Variants in ATG2B observed in about 807,000 individuals in gnomAD.
ATG2B encodes autophagy-related protein 2 homolog B.
A neutral mutation model predicts 241.3 loss-of-function variants in ATG2B; 121 were observed. The ratio of observed to expected loss-of-function variants is 0.50; its 90% confidence interval spans 0.43 to 0.58. ATG2B has a LOEUF of 0.58. Among genes scored for constraint, ATG2B ranks in the 20% least tolerant of loss-of-function variants. ATG2B has a pLI of 0.00. For synonymous variants in ATG2B, 858 were observed against 876.6 expected, an observed-to-expected ratio of 0.98 and a Z score of 0.37; for missense variants, 2,306 against 2,491.6, an observed-to-expected ratio of 0.93 and a Z score of 1.59.
chr14:96,294,852 T>A, intron 36 of ATG2B, 108 bp downstream of exon 36: 1 of 934,438 alleles, frequency 1.1e-6, no homozygotes. Context: ...GATTTGGCAG[T>A]GCAAAGAAAA....
rs375897423 is a variant in ATG2B, at chr14:96,299,442, G to T, written c.5139+2565C>A. 3.3e-5 allele frequency among the ~76,000 whole-genome samples: 5 copies of T among 152,302 alleles called. No homozygotes were observed. In the East Asian group the frequency reaches 7.7e-4, roughly 23 times the overall value. ...AGTCTTCTATAAAGAGATCCTTGAA[G>T]ATAGAGATGTCTTATTCATCTTTGT... is the stretch of plus-strand genomic sequence containing the variant. On this transcript the variant is annotated intron_variant, in intron 34 of 41. Transcript: ENST00000359933.
intron 4 of ATG2B, among the ~76,000 whole-genome samples, chr14:96,344,274 A>G (rs568867590): frequency 1.9e-4 from 29 of 152,376 alleles, no homozygotes; most frequent in African/African-American, 6.7e-4. Context: ...TAAGCACAGC[A>G]AAACAAAAAT....
At chr14:96,337,407 G>C (rs1174531157) in intron 6 of ATG2B, among the ~76,000 whole-genome samples, 2 of 152,068 alleles carry the variant, frequency 1.3e-5, no homozygotes, top group Non-Finnish European at 2.9e-5. Context: ...TTCCCTAAGA[G>C]GCAAATATAG....
chr14:96,313,305 A>G lies in ATG2B; in HGVS notation c.3749+24T>C, dbSNP rs555213041. ...TTAGTAGCATTTTAAATAAAACTTT[A>G]TTTTGTTCCATTTGTGAACTTACCT... On this transcript the variant is annotated intron_variant, in intron 24 of 41. Coordinates refer to ENST00000359933, the MANE Select transcript of ATG2B (RefSeq NM_018036.7). 344 of 1,500,538 alleles carry G rather than the reference A, an allele frequency of 2.3e-4. 4 individuals carry two copies. In the South Asian group the frequency reaches 3.3e-3, roughly 15 times the overall value. 93.0% of individuals were successfully genotyped at this position (1,500,538 alleles called of 1,614,324 possible). A position where few individuals can be genotyped will look rare whatever the true frequency, so the allele number is the denominator to read the frequency against.
At chr14:96,309,900 G>A (rs1310508943) in intron 28 of ATG2B, among the ~76,000 whole-genome samples, 1 of 152,136 alleles carries the variant, frequency 6.6e-6, no homozygotes, top group Non-Finnish European at 1.5e-5. Context: ...GGAAAGAAGG[G>A]ATAACTAAAT....
intron 5 of ATG2B, among the ~76,000 whole-genome samples, chr14:96,342,175 T>G (rs1310337640): frequency 6.6e-6 from 1 of 151,574 alleles, no homozygotes; most frequent in East Asian, 1.9e-4. Flanking sequence ...ACTGCTTAAT[T>G]TCCTCTGTTT....
At chr14:96,310,991 G>T in intron 28 of ATG2B, 126 bp downstream of exon 28, 1 of 818,296 alleles carries the variant, frequency 1.2e-6, no homozygotes, top group Non-Finnish European at 1.8e-6. Flanking sequence ...CCATTATTCT[G>T]AAGGTAAAGA....
chr14:96,320,464 G>A (rs1887430307), intron 18 of ATG2B, among the ~76,000 whole-genome samples: 1 of 151,852 alleles, frequency 6.6e-6, no homozygotes, highest in African/African-American at 2.4e-5. Context: ...GGTAGACAAT[G>A]CCTTCTGGGT....
Position 96,311,610 on chromosome 14 carries a change from G to T in ATG2B, c.3922C>A (p.Arg1308Ser). ...TCCAAAAGCCCCATATCCATCACAC[G>T]AACATAATCTAAAATTTTTAAAATT... Reference protein sequence around the residue: ...VTINLSRDYVRVMDMGLLELT... With the variant: ...VTINLSRDYVSVMDMGLLELT... The change falls in exon 27 of 42, where the codon CGT becomes AGT. Residue 1308 changes from arginine (R) to serine (S), a missense_variant. By Grantham distance (110) the Arg-to-Ser change is moderately radical. Around this residue, in one of 2 missense-constraint regions of ATG2B, gnomAD observed 1,927 missense variants for 2,011.2 expected, o/e 0.96. Coordinates refer to ENST00000359933, the MANE Select transcript of ATG2B (RefSeq NM_018036.7). 6.2e-7 allele frequency: 1 copy of T among 1,605,240 alleles called. No homozygotes were observed. Among genetic ancestry groups the T allele is most frequent in the South Asian group, 1.1e-5 (1 of 89,560 alleles).
Position 96,328,355 on chromosome 14 carries a change from T to G in ATG2B, c.2155A>C (p.Ile719Leu). The change falls in exon 14 of 42, where the codon ATT becomes CTT. Residue 719 changes from isoleucine to leucine, a missense_variant. Around this residue, in one of 2 missense-constraint regions of ATG2B, gnomAD observed 1,927 missense variants for 2,011.2 expected, o/e 0.96. Coordinates refer to ENST00000359933, the MANE Select transcript of ATG2B (RefSeq NM_018036.7). ...AGCTTTTGAATACTTACCAGACTAA[T>G]ATGTTTATTATATGAAGTATACATG... ...SHMYTSYNKH[I>L]SLHKAFTEVF... 1 of 1,604,908 alleles carries G rather than the reference T, an allele frequency of 6.2e-7. No individual in the cohort carries two copies. The highest frequency in any genetic ancestry group is 8.5e-7 in the Non-Finnish European group (1 of 1,175,726).
chr14:96,313,659 T>C (rs1887225853), intron 23 of ATG2B, among the ~76,000 whole-genome samples: 1 of 149,148 alleles, frequency 6.7e-6, no homozygotes, highest in Admixed American at 6.7e-5. Flanking sequence ...TTCGTTTGAC[T>C]ACAATAGGCA....
intron 6 of ATG2B, among the ~76,000 whole-genome samples, chr14:96,337,360 C>T (rs1887893971): frequency 6.6e-6 from 1 of 152,102 alleles, no homozygotes; most frequent in South Asian, 2.1e-4. Context: ...TAAGTAAATG[C>T]AAGTTTCCTG....
chr14:96,316,418 C>T lies in ATG2B; in HGVS notation c.3361+115G>A, dbSNP rs1887314763. ...ATTACTTTGACAGCAGAATGAGAGCCCTCCACAGAAAATAATTTCTAATAC... is the reference window on the plus strand; with the variant it reads ...ATTACTTTGACAGCAGAATGAGAGCTCTCCACAGAAAATAATTTCTAATAC... On this transcript the variant is annotated intron_variant, in intron 21 of 41. Transcript: ENST00000359933. 3 of 1,016,044 alleles carry T rather than the reference C, an allele frequency of 3.0e-6. No homozygotes were observed. The South Asian group carries it at 4.6e-5, about 15-fold the overall frequency. The allele number at this position is 1,016,044 out of a possible 1,614,324, so 62.9% of individuals were successfully genotyped here.
intron 34 of ATG2B, among the ~76,000 whole-genome samples, chr14:96,297,624 C>T (rs1019096335): frequency 6.6e-6 from 1 of 152,080 alleles, no homozygotes; most frequent in South Asian, 2.1e-4. Context: ...GTCTCGAACC[C>T]CTGACCTCGT....
Position 96,358,790 on chromosome 14 carries a change from C to T in ATG2B, c.162+4025G>A, listed in dbSNP as rs557491812. ...TTTTTTTTAGTCACCACTATGCTAA[C>T]GAGAAAATAACTCTTAAACTAAAAG... On this transcript the variant is annotated intron_variant, in intron 1 of 41. Coordinates refer to ENST00000359933, the MANE Select transcript of ATG2B (RefSeq NM_018036.7). 5.9e-5 allele frequency among the ~76,000 whole-genome samples: 9 copies of T among 151,840 alleles called. No homozygotes were observed. The South Asian group carries it at 6.2e-4, about 11-fold the overall frequency.
chr14:96,332,524 C>T lies in ATG2B; in HGVS notation c.1339G>A (p.Gly447Arg). ...ACCACAGTAGCACTTAATGGAGATC[C>T]TGCTGGGGTATTTGTATATGTACTA... ...LTSTYTNTPA[G>R]SPLSATVLQP... Residue 447 changes from glycine to arginine, a missense_variant, in exon 9 of 42, where the codon GGA becomes AGA. Gly to Arg is a moderately radical substitution (Grantham distance 125, BLOSUM62 -2). This residue lies in a region of ATG2B where 1,927 missense variants were observed against 2,011.2 expected (regional missense o/e 0.96). Coordinates refer to ENST00000359933, the MANE Select transcript of ATG2B (RefSeq NM_018036.7). 3 of 1,610,044 alleles carry T rather than the reference C, an allele frequency of 1.9e-6. No homozygotes were observed.
Position 96,281,810 on chromosome 14 carries a change from T to A in ATG2B, c.*3945A>T, listed in dbSNP as rs925719342. 1 of 152,164 alleles carries A rather than the reference T, an allele frequency of 6.6e-6. No homozygotes were observed. The highest frequency in any genetic ancestry group is 6.5e-5 in the Admixed American group (1 of 15,278). The allele number at this position is 152,164 out of a possible 1,614,324, so 9.4% of individuals were successfully genotyped here. Reference sequence around the variant, plus strand: ...TGAAATCAAGGGCCAACAATTGTTGTAGGAAAGCAAAATATACCTCTAACA... The same window carrying A: ...TGAAATCAAGGGCCAACAATTGTTGAAGGAAAGCAAAATATACCTCTAACA... On this transcript the variant is annotated 3_prime_UTR_variant, in exon 42 of 42. Coordinates refer to ENST00000359933, the MANE Select transcript of ATG2B (RefSeq NM_018036.7).
At chr14:96,343,814 A>AT (rs1208974470) in intron 4 of ATG2B, among the ~76,000 whole-genome samples, 2 of 152,210 alleles carry the variant, frequency 1.3e-5, no homozygotes, top group African/African-American at 2.4e-5. Flanking sequence ...GAAATTTTAG[A>AT]TTTTTTTAAA....
intron 5 of ATG2B, 60 bp downstream of exon 5, chr14:96,343,059 C>G: frequency 7.5e-6 from 10 of 1,327,522 alleles, no homozygotes; most frequent in Non-Finnish European, 1.0e-5. Context: ...TTTAATAGCC[C>G]CCATTTAAAC....
Sources: gnomAD v4.1 joint callset for allele counts (sites outside exome capture counted in the v4.1 genomes callset) on GRCh38, gnomAD v4.1.1 for gene constraint, gnomAD v4.1.1 regional missense constraint, MANE v1.5 for transcripts, NCBI Gene and HGNC (gene_info 2026-07-23, HGNC 2026-07-21) for gene names.